Variants in TRAK1 observed in about 807,000 individuals in gnomAD.
TRAK1 encodes trafficking kinesin-binding protein 1.
Under a neutral mutation model 92.1 loss-of-function variants are expected in TRAK1, and 33 were observed. That is an observed-to-expected ratio of 0.36 (90% CI 0.27 to 0.48). The LOEUF is 0.48. TRAK1 is among the 20% of genes least tolerant of loss of function. TRAK1 has a pLI of 0.99. For synonymous variants in TRAK1, 521 were observed against 517.3 expected (o/e 1.01, Z -0.10); for missense variants, 1,123 against 1,257.9 (o/e 0.89, Z 1.62).
At chr3:42,112,650 T>C (rs1708591111) in intron 1 of TRAK1, among the ~76,000 whole-genome samples, 1 of 102,586 alleles carries the variant, frequency 9.7e-6, no homozygotes, top group Non-Finnish European at 1.9e-5. Context: ...CACGAGAATC[T>C]CTTGAGCCTG....
At chr3:42,050,135 G>C (rs1702920905) in intron 1 of TRAK1, among the ~76,000 whole-genome samples, 1 of 151,382 alleles carries the variant, frequency 6.6e-6, no homozygotes, top group African/African-American at 2.4e-5. Context: ...CCAGTCCCCT[G>C]CTTGGCTGAT....
chr3:42,193,033 G>A, intron 7 of TRAK1, 42 bp from the exon 8 acceptor site: 1 of 1,609,042 alleles, frequency 6.2e-7, no homozygotes, highest in Non-Finnish European at 8.5e-7. Context: ...TGCATGTGTG[G>A]TTTTCTGACT....
chr3:42,068,969 T>C (rs752080064), intron 1 of TRAK1, among the ~76,000 whole-genome samples: 13 of 152,196 alleles, frequency 8.5e-5, no homozygotes, highest in African/African-American at 1.9e-4. Context: ...TTTGAACTTA[T>C]AGTGGAAGTA....
rs915397756 is a variant in TRAK1, at chr3:42,202,069, G to T, written c.1428-367G>T. ...TGGGGTCTGGGCTCTTTTCCTTCAA[G>T]AGAAGAGAGAAACATGCCTTAACCC... On this transcript the variant is annotated intron_variant, in intron 12 of 15. Coordinates refer to ENST00000327628, the MANE Select transcript of TRAK1 (RefSeq NM_001042646.3). The surrounding 1 kb of genome is among the most constrained non-coding windows in gnomAD (Gnocchi z 6.1). 1.3e-5 allele frequency among the ~76,000 whole-genome samples: 2 copies of T among 152,160 alleles called. No individual in the cohort carries two copies. The highest frequency in any genetic ancestry group is 1.3e-4 in the Admixed American group (2 of 15,280).
intron 1 of TRAK1, among the ~76,000 whole-genome samples, chr3:42,102,277 C>T (rs545599478): frequency 5.2e-4 from 79 of 152,336 alleles, no homozygotes; most frequent in African/African-American, 1.7e-3. Flanking sequence ...TAAGCCACCG[C>T]GCCCAGCCAA....
At chr3:42,186,227 C>T (rs1353998825) in intron 4 of TRAK1, among the ~76,000 whole-genome samples, 4 of 152,054 alleles carry the variant, frequency 2.6e-5, no homozygotes, top group African/African-American at 9.7e-5. Flanking sequence ...AGCAATCCAC[C>T]CGCCTTGGTC....
rs1559711345 is a variant in TRAK1 at position 42,032,793 on chromosome 3, CGTG to C, written c.-519+18677_-519+18679del. Among the ~76,000 whole-genome samples the C allele has an allele frequency of 3.9e-5, 6 of 152,244 alleles. 1 individual carries two copies. The highest frequency in any genetic ancestry group is 3.3e-4 in the Admixed American group (5 of 15,290). ...ACACTGGCTGCCAGGCATAGCGGTG[CGTG>C]CCTGTCGTTCCAGCTACTCAGAGGC... On this transcript the variant is annotated intron_variant, in intron 1 of 16. Transcript: ENST00000487159.
In TRAK1 at chr3:42,157,457, CAAAAAA is replaced by C. The variant is rs60622565; in HGVS notation, c.287-19330_287-19325del. Among the ~76,000 whole-genome samples, 64 of 31,100 alleles carry C rather than the reference CAAAAAA, an allele frequency of 2.1e-3. No homozygotes were observed. The East Asian group carries it at 0.028, about 14-fold the overall frequency. The allele number at this position is 31,100 out of a possible 152,430, so 20.4% of individuals were successfully genotyped here. On this transcript the variant is annotated intron_variant, in intron 2 of 15. Transcript: ENST00000327628. Reference sequence around the variant, plus strand: ...TGGGCAACAGAATGAGACCCTGTCTCAAAAAAAAAAAAAAAAAAAAAAAAAAAAAAA... The same window carrying C: ...TGGGCAACAGAATGAGACCCTGTCTCAAAAAAAAAAAAAAAAAAAAAAAAA...
chr3:42,013,519 C>G (rs1358139844), upstream of TRAK1, among the ~76,000 whole-genome samples: 1 of 137,596 alleles, frequency 7.3e-6, no homozygotes, highest in Non-Finnish European at 1.5e-5. The surrounding 1 kb of genome is among the most constrained non-coding windows in gnomAD (Gnocchi z 5.1). Flanking sequence ...AGGACGTGGC[C>G]GGCGGGCATC....
At chr3:42,055,211 C>T (rs1013784342) in intron 1 of TRAK1, among the ~76,000 whole-genome samples, 5 of 152,054 alleles carry the variant, frequency 3.3e-5, no homozygotes, top group African/African-American at 4.8e-5. Context: ...TGAGCCACTG[C>T]ACCCAGCCTG....
At chr3:42,149,507 C>T in intron 2 of TRAK1, 1 of 1,536,048 alleles carries the variant, frequency 6.5e-7, no homozygotes. Context: ...GCTGTGAAGT[C>T]CATTCTTTCC....
chr3:42,177,762 C>T (rs1166502999), intron 3 of TRAK1, among the ~76,000 whole-genome samples: 3 of 152,104 alleles, frequency 2.0e-5, no homozygotes, highest in Admixed American at 6.6e-5. Context: ...ATTCTTCCAC[C>T]GTTTTTGTGT....
chr3:42,045,240 A>T (rs1374862558), intron 1 of TRAK1, among the ~76,000 whole-genome samples: 1 of 152,130 alleles, frequency 6.6e-6, no homozygotes, highest in Non-Finnish European at 1.5e-5. Flanking sequence ...TACTCATTTA[A>T]ACCATAAACC....
intron 14 of TRAK1, chr3:42,212,557 A>G (rs1709181351): frequency 1.0e-6 from 1 of 976,980 alleles, no homozygotes; most frequent in African/African-American, 1.8e-5. Context: ...CATGTCTTAA[A>G]AAGGATGAAT....
chr3:42,049,769 T>C (rs569205627), intron 1 of TRAK1, among the ~76,000 whole-genome samples: 1 of 152,348 alleles, frequency 6.6e-6, no homozygotes, highest in Admixed American at 6.5e-5. Context: ...CCCTCCTAAC[T>C]TTTTTGGAAT....
upstream of TRAK1, among the ~76,000 whole-genome samples, chr3:42,085,684 C>T (rs758562481): frequency 6.6e-5 from 10 of 152,268 alleles, no homozygotes; most frequent in South Asian, 8.3e-4. Flanking sequence ...TTTAAACAAA[C>T]GATAATGCAT....
intron 1 of TRAK1, among the ~76,000 whole-genome samples, chr3:42,093,610 C>T (rs1705408979): frequency 6.8e-6 from 1 of 146,638 alleles, no homozygotes; most frequent in Non-Finnish European, 1.5e-5. Context: ...CTCTCCTGTC[C>T]TCTTTTCTCT....
chr3:42,124,678 A>G (rs1050041164), intron 1 of TRAK1, among the ~76,000 whole-genome samples: 3 of 152,216 alleles, frequency 2.0e-5, no homozygotes, highest in Non-Finnish European at 1.5e-5. Flanking sequence ...TGAATCAGAC[A>G]CTGAAATACC....
At chr3:42,098,809 G>A (rs1358790922) in intron 1 of TRAK1, among the ~76,000 whole-genome samples, 1 of 152,182 alleles carries the variant, frequency 6.6e-6, no homozygotes, top group Non-Finnish European at 1.5e-5. Flanking sequence ...GTTGCAGGGA[G>A]AGCAAGATGG....
Sources: gnomAD v4.1 joint callset for allele counts (sites outside exome capture counted in the v4.1 genomes callset) on GRCh38, gnomAD v4.1.1 for gene constraint, Gnocchi (gnomAD v3.1) non-coding constraint, MANE v1.5 for transcripts, NCBI Gene and HGNC (gene_info 2026-07-23, HGNC 2026-07-21) for gene names.